Variants in NKIRAS1 observed in about 807,000 individuals in gnomAD.
NKIRAS1 encodes NFKB inhibitor interacting Ras like 1.
Under a neutral mutation model 19.8 loss-of-function variants are expected in NKIRAS1, and 16 were observed. The observed-to-expected ratio is 0.81, with a 90% CI of 0.55 to 1.23. NKIRAS1 has a LOEUF of 1.23. NKIRAS1 is among the 50% of genes most tolerant of loss of function. The pLI, the probability that NKIRAS1 is intolerant of heterozygous loss-of-function variation, is 0.00. For missense variants in NKIRAS1, 184 were observed against 220.0 expected, an observed-to-expected ratio of 0.84 and a Z score of 1.04; for synonymous variants, 88 against 79.0, an observed-to-expected ratio of 1.11 and a Z score of -0.61.
chr3:23,916,906 C>T lies in NKIRAS1; in HGVS notation c.-262G>A, dbSNP rs1704592117. On this transcript the variant is annotated 5_prime_UTR_variant, in exon 1 of 5. Coordinates refer to ENST00000425478, the MANE Select transcript of NKIRAS1 (RefSeq NM_020345.4). ...ACAGTCGCCGACGCTCGCTTAGCCG[C>T]CGAGACCTCGCCGCCAACTCTCTCA... is the stretch of plus-strand genomic sequence containing the variant. 1 of 152,766 alleles carries T rather than the reference C, an allele frequency of 6.5e-6. No homozygotes were observed. Among genetic ancestry groups the T allele is most frequent in the African/African-American group, 2.4e-5 (1 of 41,486 alleles). 9.5% of individuals were successfully genotyped at this position (152,766 alleles called of 1,614,324 possible).
chr3:23,928,100 C>CCACACACACACACACACACACACA (rs66482461), intron 1 of NKIRAS1, among the ~76,000 whole-genome samples: 3 of 146,194 alleles, frequency 2.1e-5, no homozygotes, highest in South Asian at 4.4e-4. Flanking sequence ...TCTCTACACA[C>CCACACACACACACACACACACACA]CACACACACA....
chr3:23,929,159 C>T (rs1024230906), intron 1 of NKIRAS1, among the ~76,000 whole-genome samples: 2 of 151,830 alleles, frequency 1.3e-5, no homozygotes, highest in African/African-American at 4.8e-5. Flanking sequence ...GTCAGGAGTT[C>T]GAGACCAGCC....
At chr3:23,934,870 T>C (rs902512476) in intron 1 of NKIRAS1, among the ~76,000 whole-genome samples, 1 of 151,764 alleles carries the variant, frequency 6.6e-6, no homozygotes. Flanking sequence ...AGAAGACTTA[T>C]TATCTCTGAA....
intron 1 of NKIRAS1, among the ~76,000 whole-genome samples, chr3:23,924,882 T>C (rs1705183705): frequency 6.6e-6 from 1 of 152,212 alleles, no homozygotes; most frequent in South Asian, 2.1e-4. Context: ...AGCCTCCAAA[T>C]TTCAGTGGCT....
At chr3:23,928,713 C>T (rs1013524512) in intron 1 of NKIRAS1, among the ~76,000 whole-genome samples, 6 of 146,382 alleles carry the variant, frequency 4.1e-5, no homozygotes, top group African/African-American at 5.0e-5. Flanking sequence ...AAAAAAAGGC[C>T]GGGCGCTGTG....
At chr3:23,908,505 T>A (rs1553643178) in intron 3 of NKIRAS1, among the ~76,000 whole-genome samples, 1 of 152,212 alleles carries the variant, frequency 6.6e-6, no homozygotes, top group Non-Finnish European at 1.5e-5. Flanking sequence ...TGTTAATAGA[T>A]ATGATAATTG....
chr3:23,916,126 AG>A (rs1421131771), intron 1 of NKIRAS1: 1 of 152,252 alleles, frequency 6.6e-6, no homozygotes, highest in Non-Finnish European at 1.5e-5. Flanking sequence ...AAAGAAAGAA[AG>A]AAAAATATGA....
In NKIRAS1 at chr3:23,901,015, G is replaced by GT. The variant is rs1176608688; in HGVS notation, c.128dup (p.Tyr43Ter). The change falls in exon 4 of 5, where the codon TAC becomes TAAC. Residue 43 changes from tyrosine (Y) to a stop codon, truncating the protein, a stop_gained and frameshift_variant. Coordinates refer to ENST00000425478, the MANE Select transcript of NKIRAS1 (RefSeq NM_020345.4). LOFTEE classifies it high-confidence loss of function. Reference sequence around the variant, plus strand: ...CTCGGTCTGTTTCTACTGAAGCCATGTATACATCTTCCATTGTTTCGCAAT... The same window carrying GT: ...CTCGGTCTGTTTCTACTGAAGCCATGTTATACATCTTCCATTGTTTCGCAAT... ...MEDCETMEDV[Y>*]MASVETDRGV... is the part of the protein sequence containing the mutation. 1 of 1,614,066 alleles carries GT rather than the reference G, an allele frequency of 6.2e-7. No individual in the cohort carries two copies. Among genetic ancestry groups the GT allele is most frequent in the Non-Finnish European group, 8.5e-7 (1 of 1,179,954 alleles).
chr3:23,899,165 A>C (rs985866954), intron 4 of NKIRAS1, among the ~76,000 whole-genome samples: 3 of 152,214 alleles, frequency 2.0e-5, no homozygotes, highest in African/African-American at 7.2e-5. Flanking sequence ...CCAAGGGTTA[A>C]GGTGGGGGTG....
At chr3:23,940,511 C>G (rs1490220682) in intron 1 of NKIRAS1, among the ~76,000 whole-genome samples, 1 of 151,892 alleles carries the variant, frequency 6.6e-6, no homozygotes, top group Non-Finnish European at 1.5e-5. Flanking sequence ...TCAGTATTGC[C>G]CATAAACACA....
At chr3:23,941,956 AGT>A (rs973943507) in intron 1 of NKIRAS1, among the ~76,000 whole-genome samples, 9 of 148,578 alleles carry the variant, frequency 6.1e-5, no homozygotes, top group Middle Eastern at 3.6e-3. Context: ...AATTTTAAAT[AGT>A]CTTTATTTAT....
intron 1 of NKIRAS1, among the ~76,000 whole-genome samples, chr3:23,937,069 C>G (rs1347366444): frequency 6.6e-6 from 1 of 152,174 alleles, no homozygotes; most frequent in Admixed American, 6.5e-5. Context: ...TAAGTCTCCT[C>G]TAAGTATTGG....
chr3:23,946,350 G>C, exon 1 of NKIRAS1: 1 of 956,412 alleles, frequency 1.0e-6, no homozygotes, highest in Non-Finnish European at 1.2e-6. Context: ...GGAAGTGCAG[G>C]ACGAGGGCGT....
intron 3 of NKIRAS1, among the ~76,000 whole-genome samples, chr3:23,909,693 T>C (rs1703450133): frequency 6.6e-6 from 1 of 152,194 alleles, no homozygotes; most frequent in Non-Finnish European, 1.5e-5. Flanking sequence ...ACCCAAGGCC[T>C]GATTACACGT....
chr3:23,905,522 T>G (rs1161324385), intron 3 of NKIRAS1, among the ~76,000 whole-genome samples: 1 of 152,154 alleles, frequency 6.6e-6, no homozygotes, highest in Non-Finnish European at 1.5e-5. Context: ...ATGCAAAGCC[T>G]CAGAAAATGT....
upstream of NKIRAS1, chr3:23,918,689 G>C (rs983523766): frequency 4.6e-6 from 6 of 1,302,866 alleles, no homozygotes; most frequent in African/African-American, 7.4e-5. Context: ...TATAAAACAG[G>C]GTTTGTGATT....
In NKIRAS1 at chr3:23,891,317, C is replaced by T. The variant is rs574561582; in HGVS notation, c.*1778G>A. On this transcript the variant is annotated 3_prime_UTR_variant, in exon 5 of 5. Transcript: ENST00000425478. Reference sequence around the variant, plus strand: ...AATATTAAAAACCACCTAATAAACACTGCTGTGTTCATTTACTTTTCTTTT... The same window carrying T: ...AATATTAAAAACCACCTAATAAACATTGCTGTGTTCATTTACTTTTCTTTT... 3 of 152,320 alleles carry T rather than the reference C, an allele frequency of 2.0e-5. No individual in the cohort carries two copies. The highest frequency in any genetic ancestry group is 1.9e-4 in the East Asian group (1 of 5,184). The allele number at this position is 152,320 out of a possible 1,614,324, so 9.4% of individuals were successfully genotyped here. A position where few individuals can be genotyped will look rare whatever the true frequency, so the allele number is the denominator to read the frequency against.
At chr3:23,906,046 C>A (rs1703012800) in intron 3 of NKIRAS1, among the ~76,000 whole-genome samples, 1 of 150,816 alleles carries the variant, frequency 6.6e-6, no homozygotes, top group African/African-American at 2.4e-5. Context: ...GTAATCCCAG[C>A]TACTTGGGAG....
At chr3:23,911,179 C>T in intron 2 of NKIRAS1, 150 bp downstream of exon 2, 1 of 316,130 alleles carries the variant, frequency 3.2e-6, no homozygotes, top group Non-Finnish European at 6.0e-6. Context: ...ACAGGCCAGG[C>T]ACAGTGGCTC....
Sources: gnomAD v4.1 joint callset for allele counts (sites outside exome capture counted in the v4.1 genomes callset) on GRCh38, gnomAD v4.1.1 for gene constraint, MANE v1.5 for transcripts, NCBI Gene and HGNC (gene_info 2026-07-23, HGNC 2026-07-21) for gene names.